HPSE2: variants seen among roughly 807,000 people sequenced by gnomAD.
HPSE2 encodes heparanase 2 (inactive), also known as inactive heparanase-2.
Under a neutral mutation model 60.5 loss-of-function variants are expected in HPSE2, and 38 were observed. That is an observed-to-expected ratio of 0.63 (90% confidence interval 0.48 to 0.82). HPSE2 has a LOEUF of 0.82. Ranked by LOEUF, HPSE2 falls within the 40% of genes least tolerant of loss-of-function variation. HPSE2 has a pLI of 0.00. For synonymous variants in HPSE2, 295 were observed against 293.2 expected (o/e 1.01, Z -0.06); for missense variants, 713 against 740.4 (o/e 0.96, Z 0.43).
rs1019260002 is a variant in HPSE2, at chr10:98,459,693, T to G, written c.1660A>C (p.Thr554Pro). 2 of 1,613,844 alleles carry G rather than the reference T, an allele frequency of 1.2e-6. No homozygotes were observed. The highest frequency in any genetic ancestry group is 8.5e-7 in the Non-Finnish European group (1 of 1,179,982). ...GQPLVMVDDG[T>P]LPELKPRPLR... The stretch of plus-strand genomic sequence containing the variant: ...GGGCGGGGCTTCAATTCTGGGAGGG[T>G]CCCGTCGTCCACCATCACTAAGGGC... The change falls in exon 12 of 12, where the codon ACC becomes CCC. Residue 554 changes from threonine (T) to proline (P), a missense_variant. Thr to Pro is a conservative substitution (Grantham distance 38). Transcript: ENST00000370552.
At chr10:98,663,350 A>G (rs1947275429) in intron 6 of HPSE2, among the ~76,000 whole-genome samples, 1 of 152,188 alleles carries the variant, frequency 6.6e-6, no homozygotes. Flanking sequence ...AAGGGTGAAA[A>G]AAACCTAATA....
At chr10:98,488,986 T>C (rs1282935062) in intron 10 of HPSE2, among the ~76,000 whole-genome samples, 1 of 152,088 alleles carries the variant, frequency 6.6e-6, no homozygotes, top group Non-Finnish European at 1.5e-5. Context: ...TCCTCTCTCA[T>C]CAAGGAAGCA....
intron 2 of HPSE2, 121 bp from the exon 3 acceptor site, chr10:99,144,520 A>G: frequency 8.8e-7 from 1 of 1,136,962 alleles, no homozygotes; most frequent in Non-Finnish European, 1.3e-6. Context: ...ATTTTCATCA[A>G]CCTAAAGAGA....
At chr10:98,562,696 C>A (rs1224590546) in intron 9 of HPSE2, among the ~76,000 whole-genome samples, 1 of 108,906 alleles carries the variant, frequency 9.2e-6, no homozygotes, top group Non-Finnish European at 1.7e-5. Flanking sequence ...GCCTGGCGAA[C>A]AGAGTGAGAC....
the HPSE2 span, among the ~76,000 whole-genome samples, chr10:99,286,013 A>T: frequency 6.6e-6 from 1 of 152,208 alleles, no homozygotes; most frequent in African/African-American, 2.4e-5. Context: ...TCAAAACCAC[A>T]ATGAGACACC....
At chr10:98,624,674 G>A (rs1946160409) in intron 7 of HPSE2, among the ~76,000 whole-genome samples, 1 of 152,112 alleles carries the variant, frequency 6.6e-6, no homozygotes, top group South Asian at 2.1e-4. Context: ...ACTGTAAAAT[G>A]ATATACAAAT....
intron 3 of HPSE2, among the ~76,000 whole-genome samples, chr10:98,748,753 A>T (rs1949685433): frequency 6.6e-6 from 1 of 152,290 alleles, no homozygotes; most frequent in Non-Finnish European, 1.5e-5. Flanking sequence ...GAACAACAAC[A>T]ACAACAAAAA....
chr10:98,661,006 C>T (rs1947208590), intron 6 of HPSE2, among the ~76,000 whole-genome samples: 1 of 152,128 alleles, frequency 6.6e-6, no homozygotes. Flanking sequence ...CTCAGGACAC[C>T]CACCTTGAAT....
chr10:99,301,991 C>T, the HPSE2 span, among the ~76,000 whole-genome samples: 38 of 151,908 alleles, frequency 2.5e-4, no homozygotes, highest in African/African-American at 8.9e-4. Context: ...ATGTGGAAAC[C>T]ACGGAATAGA....
intron 3 of HPSE2, among the ~76,000 whole-genome samples, chr10:99,070,323 G>T (rs983594841): frequency 2.6e-5 from 4 of 152,082 alleles, no homozygotes; most frequent in African/African-American, 9.7e-5. Context: ...ATACACTTCT[G>T]CAAAGAAGAT....
intron 5 of HPSE2, among the ~76,000 whole-genome samples, chr10:98,704,016 C>A (rs139184702): frequency 1.3e-5 from 2 of 152,100 alleles, no homozygotes; most frequent in Non-Finnish European, 2.9e-5. Context: ...ATTTAGAAAA[C>A]CCCATCATCT....
chr10:98,827,838 G>C (rs998422113), intron 3 of HPSE2, among the ~76,000 whole-genome samples: 3 of 151,956 alleles, frequency 2.0e-5, no homozygotes, highest in African/African-American at 4.8e-5. Context: ...CTAGATATTG[G>C]GTCAAACATT....
chr10:99,125,488 G>T, intron 3 of HPSE2, among the ~76,000 whole-genome samples: 1 of 152,182 alleles, frequency 6.6e-6, no homozygotes, highest in East Asian at 1.9e-4. Flanking sequence ...GTTCCCACTG[G>T]CATGGACAGA....
intron 3 of HPSE2, among the ~76,000 whole-genome samples, chr10:98,811,635 T>C (rs537061645): frequency 4.6e-5 from 7 of 152,250 alleles, no homozygotes; most frequent in Non-Finnish European, 8.8e-5. Flanking sequence ...ATTATCTTTA[T>C]ATGCAATTAT....
At chr10:99,150,519 C>T (rs1330036731) in intron 2 of HPSE2, among the ~76,000 whole-genome samples, 1 of 152,168 alleles carries the variant, frequency 6.6e-6, no homozygotes, top group African/African-American at 2.4e-5. Flanking sequence ...TGAAATCTCA[C>T]TATGTTGCCT....
the HPSE2 span, among the ~76,000 whole-genome samples, chr10:99,248,351 A>C: frequency 2.0e-5 from 3 of 152,242 alleles, no homozygotes; most frequent in East Asian, 5.8e-4. Context: ...TGCTTTAGCA[A>C]AGAGGTTGGA....
intron 3 of HPSE2, among the ~76,000 whole-genome samples, chr10:99,033,556 G>A (rs1957544316): frequency 6.6e-6 from 1 of 152,218 alleles, no homozygotes; most frequent in African/African-American, 2.4e-5. Flanking sequence ...GCTGAGGCGG[G>A]CATATCACAA....
chr10:98,716,298 C>A (rs1948787344), intron 5 of HPSE2, among the ~76,000 whole-genome samples: 2 of 151,906 alleles, frequency 1.3e-5, no homozygotes, highest in Middle Eastern at 3.2e-3. Context: ...TCCACAAGGG[C>A]TAGAGTCCAC....
At chr10:98,843,550 A>G (rs1392502421) in intron 3 of HPSE2, among the ~76,000 whole-genome samples, 2 of 152,248 alleles carry the variant, frequency 1.3e-5, no homozygotes, top group Admixed American at 6.5e-5. Context: ...TAAAATTTCA[A>G]TAATTAAGCT....
Sources: allele counts gnomAD v4.1 joint callset (sites outside exome capture counted in the v4.1 genomes callset), GRCh38; gene constraint gnomAD v4.1.1; transcripts MANE v1.5; gene names NCBI Gene and HGNC (gene_info 2026-07-23, HGNC 2026-07-21).